GPATCH1: variants seen among roughly 807,000 people sequenced by gnomAD.
GPATCH1 encodes G patch domain-containing protein 1.
In GPATCH1, 73 loss-of-function variants were observed where a neutral mutation model predicts 114.9. The ratio of observed to expected loss-of-function variants is 0.64; its 90% confidence interval spans 0.53 to 0.77. The LOEUF (loss-of-function observed/expected upper bound fraction) is 0.77, where lower values mean the gene tolerates loss of function less well. Ranked by LOEUF, GPATCH1 falls within the 30% of genes least tolerant of loss-of-function variation. The pLI is 0.00. For missense variants in GPATCH1, 1,058 were observed against 1,144.3 expected, an observed-to-expected ratio of 0.92 and a Z score of 1.09; for synonymous variants, 391 against 428.4, an observed-to-expected ratio of 0.91 and a Z score of 1.08.
chr19:33,124,857 C>T (rs1365590093), intron 17 of GPATCH1, among the ~76,000 whole-genome samples: 1 of 152,104 alleles, frequency 6.6e-6, no homozygotes, highest in Non-Finnish European at 1.5e-5. Context: ...GGGGTCACGG[C>T]AGGATACTGA....
At chr19:33,106,161 TAA>T (rs201760910) in intron 9 of GPATCH1, among the ~76,000 whole-genome samples, 2,730 of 152,086 alleles carry the variant, frequency 0.018, 39 homozygotes, top group Non-Finnish European at 0.023. Flanking sequence ...AACTATTATT[TAA>T]AAAAATTTTT....
chr19:33,084,339 A>G (rs1344496326), intron 1 of GPATCH1, among the ~76,000 whole-genome samples: 2 of 152,182 alleles, frequency 1.3e-5, no homozygotes, highest in African/African-American at 2.4e-5. Context: ...TTATAGACAC[A>G]TAGGCCTTCT....
chr19:33,089,609 G>T (rs1023636987), intron 2 of GPATCH1, among the ~76,000 whole-genome samples: 1 of 146,058 alleles, frequency 6.8e-6, no homozygotes, highest in African/African-American at 2.7e-5. Context: ...AGATGGGCTA[G>T]ATCTTTTATA....
chr19:33,118,940 A>G, intron 16 of GPATCH1, 70 bp from the exon 17 acceptor site: 1 of 891,572 alleles, frequency 1.1e-6, no homozygotes, highest in Non-Finnish European at 1.8e-6. Flanking sequence ...GTGGCAAAAG[A>G]CATGAATGAA....
Position 33,094,219 on chromosome 19 carries a change from G to T in GPATCH1, c.503G>T (p.Gly168Val), listed in dbSNP as rs369545403. ...ELLRKMGWKE[G>V]QGVGPRVKRR... ...CTAAGAAAAATGGGTTGGAAAGAAGGACAAGGAGTTGGTCCTCGAGTAAAG... is the reference window on the plus strand; with the variant it reads ...CTAAGAAAAATGGGTTGGAAAGAAGTACAAGGAGTTGGTCCTCGAGTAAAG... The change falls in exon 5 of 20, where the codon GGA (glycine) becomes GTA (valine). Residue 168 changes from glycine (G) to valine (V), a missense_variant. Coordinates refer to ENST00000170564, the MANE Select transcript of GPATCH1 (RefSeq NM_018025.3). 1.8e-4 allele frequency: 289 copies of T among 1,610,930 alleles called. 2 individuals carry two copies. The Middle Eastern group carries it at 3.3e-3, about 18-fold the overall frequency.
rs112071549 is a variant in GPATCH1, at chr19:33,097,935, C to T, written c.1000+33C>T. On this transcript the variant is annotated intron_variant, in intron 8 of 19. Transcript: ENST00000170564. The stretch of plus-strand genomic sequence containing the variant: ...GACAGCCACAAACCTAATGGCAGGA[C>T]CAAGTGTCAGGGTATCAGGAAGGAG... 2.4e-5 allele frequency: 39 copies of T among 1,606,502 alleles called. No homozygotes were observed. The African/African-American group carries it at 3.3e-4, about 14-fold the overall frequency.
In GPATCH1 at chr19:33,130,146, C is replaced by T; in HGVS notation, c.2782C>T (p.Leu928=). ...ELLRRLKSLP[L]RRQ is the part of the protein sequence containing the mutation. ...CTTTTCCAGGCTGAAAAGTCTTCCACTAAGAAGGCAGTAATTGAATGCTGC... is the reference window on the plus strand; with the variant it reads ...CTTTTCCAGGCTGAAAAGTCTTCCATTAAGAAGGCAGTAATTGAATGCTGC... Residue 928 remains leucine, a synonymous_variant, in exon 20 of 20, where the codon CTA becomes TTA. Transcript: ENST00000170564. The T allele has an allele frequency of 1.9e-6, 3 of 1,610,730 alleles. No homozygotes were observed. Among genetic ancestry groups the T allele is most frequent in the Non-Finnish European group, 1.7e-6 (2 of 1,176,964 alleles).
chr19:33,092,389 T>C (rs1286289434), intron 3 of GPATCH1, among the ~76,000 whole-genome samples: 2 of 152,026 alleles, frequency 1.3e-5, no homozygotes, highest in African/African-American at 2.4e-5. Flanking sequence ...TTCATATGAG[T>C]CCTACCATGA....
At chr19:33,122,569 C>T (rs1426063568) in intron 17 of GPATCH1, among the ~76,000 whole-genome samples, 3 of 151,554 alleles carry the variant, frequency 2.0e-5, no homozygotes, top group Non-Finnish European at 2.9e-5. Flanking sequence ...GTGATCTGCC[C>T]GCCTCAACCT....
At chr19:33,112,203 T>A (rs948213963) in intron 12 of GPATCH1, among the ~76,000 whole-genome samples, 1 of 152,076 alleles carries the variant, frequency 6.6e-6, no homozygotes, top group Non-Finnish European at 1.5e-5. Context: ...TGACCTCAGG[T>A]GATCCACCCG....
intron 1 of GPATCH1, among the ~76,000 whole-genome samples, chr19:33,086,320 C>G (rs377403958): frequency 2.0e-5 from 3 of 152,082 alleles, no homozygotes; most frequent in Admixed American, 2.0e-4. Context: ...ACTGATTTCC[C>G]CCATGGCCAG....
Position 33,097,794 on chromosome 19 carries a change from A to G in GPATCH1, c.892A>G (p.Ile298Val). The change falls in exon 8 of 20, where the codon ATC (isoleucine) becomes GTC (valine). Residue 298 changes from isoleucine to valine, a missense_variant. Transcript: ENST00000170564. ...TGCCCTGGAAGAGGAAGATGATGATATCTATGCCACAGAAACTCTATCCAA... is the reference window on the plus strand; with the variant it reads ...TGCCCTGGAAGAGGAAGATGATGATGTCTATGCCACAGAAACTCTATCCAA... ...VGALEEEDDD[I>V]YATETLSKYD... The G allele has an allele frequency of 6.2e-7, 1 of 1,613,924 alleles. No homozygotes were observed. Among genetic ancestry groups the G allele is most frequent in the Non-Finnish European group, 8.5e-7 (1 of 1,179,820 alleles).
chr19:33,121,665 T>C (rs1972986758), intron 17 of GPATCH1, among the ~76,000 whole-genome samples: 1 of 152,124 alleles, frequency 6.6e-6, no homozygotes, highest in Admixed American at 6.6e-5. Flanking sequence ...TACAATAAAA[T>C]GGTCCTCTCA....
chr19:33,096,317 G>GGC lies in GPATCH1; in HGVS notation c.724_725insCG (p.Asp242AlafsTer33), dbSNP rs1972658261. 6.2e-7 allele frequency: 1 copy of GGC among 1,614,002 alleles called. No homozygotes were observed. Among genetic ancestry groups the GGC allele is most frequent in the Admixed American group, 1.7e-5 (1 of 59,986 alleles). On this transcript the variant is annotated frameshift_variant, in exon 7 of 20. Transcript: ENST00000170564. LOFTEE classifies it high-confidence loss of function. Reference sequence around the variant, plus strand: ...TGCATGGTCTAGCTTACAAGGGCCTGGATCCCCACCAGGCACTGTTTGGAA... The same window carrying GGC: ...TGCATGGTCTAGCTTACAAGGGCCTGGCGATCCCCACCAGGCACTGTTTGGAA...
chr19:33,105,968 A>C (rs1231078213), intron 9 of GPATCH1, among the ~76,000 whole-genome samples: 1 of 149,254 alleles, frequency 6.7e-6, no homozygotes, highest in Non-Finnish European at 1.5e-5. Context: ...CTGCCTCAGC[A>C]CCCCCGAGTA....
At chr19:33,099,492 C>G (rs1039296011) in intron 8 of GPATCH1, among the ~76,000 whole-genome samples, 6 of 151,970 alleles carry the variant, frequency 3.9e-5, no homozygotes, top group Non-Finnish European at 7.3e-5. Context: ...CCAGCTTCCT[C>G]TCTCCCCCCC....
At chr19:33,108,489 CAT>C (rs1411050405) in intron 10 of GPATCH1, among the ~76,000 whole-genome samples, 1 of 151,978 alleles carries the variant, frequency 6.6e-6, no homozygotes, top group African/African-American at 2.4e-5. Context: ...GTTCTTCCCT[CAT>C]ATTTTTGTGA....
chr19:33,089,168 G>A (rs551988766), intron 2 of GPATCH1, among the ~76,000 whole-genome samples: 1 of 152,294 alleles, frequency 6.6e-6, no homozygotes, highest in South Asian at 2.1e-4. Flanking sequence ...CTCTTAAACA[G>A]AGTCTTTCAG....
At chr19:33,094,312 A>G (rs765791015) in intron 5 of GPATCH1, 43 bp downstream of exon 5, 5 of 988,682 alleles carry the variant, frequency 5.1e-6, no homozygotes, top group South Asian at 2.9e-5. Context: ...GCTGCAGCGT[A>G]CTTTTTTTTT....
Sources: allele counts gnomAD v4.1 joint callset (sites outside exome capture counted in the v4.1 genomes callset), GRCh38; gene constraint gnomAD v4.1.1; transcripts MANE v1.5; gene names NCBI Gene and HGNC (gene_info 2026-07-23, HGNC 2026-07-21).